The following G6PC2 variants were observed in gnomAD, a reference collection of about 807,000 sequenced individuals.
G6PC2 encodes glucose-6-phosphatase catalytic subunit 2.
A neutral mutation model predicts 35.4 loss-of-function variants in G6PC2; 41 were observed. That is an observed-to-expected ratio of 1.16 (90% CI 0.90 to 1.50). G6PC2 has a LOEUF of 1.50. Among genes scored for constraint, G6PC2 ranks in the 40% most tolerant of loss-of-function variants. G6PC2 has a pLI of 0.00. For missense variants in G6PC2, 441 were observed against 426.5 expected (o/e 1.03, Z -0.30); for synonymous variants, 165 against 153.2 (o/e 1.08, Z -0.57).
chr2:168,906,075 CAA>C (rs11320926), intron 3 of G6PC2, among the ~76,000 whole-genome samples: 31 of 121,538 alleles, frequency 2.6e-4, no homozygotes, highest in African/African-American at 4.8e-4. Flanking sequence ...TTCTGTGTCT[CAA>C]AAAAAAAAAA....
intron 2 of G6PC2, among the ~76,000 whole-genome samples, chr2:168,903,958 T>C (rs961679077): frequency 2.6e-5 from 4 of 152,124 alleles, no homozygotes; most frequent in South Asian, 2.1e-4. Context: ...TAGAAGTAGC[T>C]GCTAGTACAC....
rs1559165611 is a variant in G6PC2 at position 168,907,630 on chromosome 2, T to C, written c.619T>C (p.Tyr207His). 6.2e-7 allele frequency: 1 copy of C among 1,613,916 alleles called. No individual in the cohort carries two copies. The highest frequency in any genetic ancestry group is 1.7e-5 in the Admixed American group (1 of 60,030). Residue 207 changes from tyrosine (Y) to histidine (H), a missense_variant, in exon 5 of 5, where the codon TAC becomes CAC. Physicochemically the swap from Tyr to His is moderately conservative, Grantham distance 83. Transcript: ENST00000375363. ...CATCCAAACGGCCAGTCTGGGCACATACCTGAAGACCAACCTCTTTCTCTT... is the reference window on the plus strand; with the variant it reads ...CATCCAAACGGCCAGTCTGGGCACACACCTGAAGACCAACCTCTTTCTCTT... Reference protein sequence around the residue: ...PGIQTASLGTYLKTNLFLFLF... With the variant: ...PGIQTASLGTHLKTNLFLFLF...
At position 168,909,207 on chromosome 2, in the gene G6PC2, A is replaced by G. The variant is rs1053029545; in HGVS notation, c.*1128A>G. 1.3e-5 allele frequency: 2 copies of G among 152,250 alleles called. No individual in the cohort carries two copies. The highest frequency in any genetic ancestry group is 2.9e-5 in the Non-Finnish European group (2 of 68,082). The allele number at this position is 152,250 out of a possible 1,614,324, so 9.4% of individuals were successfully genotyped here. On this transcript the variant is annotated 3_prime_UTR_variant, in exon 5 of 5. Coordinates refer to ENST00000375363, the MANE Select transcript of G6PC2 (RefSeq NM_021176.3). Reference sequence around the variant, plus strand: ...TGGGACCAACAGTGGCTCCAGATGTATATACACACGGGTCCAGGGACAACA... The same window carrying G: ...TGGGACCAACAGTGGCTCCAGATGTGTATACACACGGGTCCAGGGACAACA...
chr2:168,906,622 G>A (rs201602027), intron 3 of G6PC2, 42 bp from the exon 4 acceptor site: 478 of 961,616 alleles, frequency 5.0e-4, no homozygotes, highest in Non-Finnish European at 4.0e-4. Flanking sequence ...GAGTGATCCA[G>A]TTTCTTTGCT....
intron 2 of G6PC2, among the ~76,000 whole-genome samples, chr2:168,903,727 C>T (rs907803390): frequency 6.6e-5 from 10 of 152,110 alleles, no homozygotes; most frequent in Non-Finnish European, 1.3e-4. Flanking sequence ...ATAGGTCTGT[C>T]TTTGTTTAAC....
chr2:168,907,151 G>A (rs1690731209), intron 4 of G6PC2, among the ~76,000 whole-genome samples: 1 of 152,184 alleles, frequency 6.6e-6, no homozygotes, highest in Non-Finnish European at 1.5e-5. Context: ...CATGTGAAGT[G>A]ACTATTACAT....
chr2:168,907,689 G>C lies in G6PC2; in HGVS notation c.678G>C (p.Arg226Ser), dbSNP rs1371546169. 6.2e-7 allele frequency: 1 copy of C among 1,613,880 alleles called. No individual in the cohort carries two copies. Among genetic ancestry groups the C allele is most frequent in the East Asian group, 2.2e-5 (1 of 44,874 alleles). ...CAGTTGGCTTTTACCTGCTTCTTAG[G>C]GTGCTCAACATTGACCTGCTGTGGT... ...LFAVGFYLLL[R>S]VLNIDLLWSV... The change falls in exon 5 of 5, where the codon AGG becomes AGC. Residue 226 changes from arginine to serine, a missense_variant. Arg to Ser is a moderately radical substitution (Grantham distance 110, BLOSUM62 -1). Transcript: ENST00000375363.
Position 168,907,898 on chromosome 2 carries a change from G to A in G6PC2, c.887G>A (p.Cys296Tyr). ...NNYTLSFRLL[C>Y]ALTSLTILQL... ...TACACACTGAGCTTCCGGTTGCTCTGTGCCTTGACCTCATTGACAATACTG... is the reference window on the plus strand; with the variant it reads ...TACACACTGAGCTTCCGGTTGCTCTATGCCTTGACCTCATTGACAATACTG... Residue 296 changes from cysteine (C) to tyrosine (Y), a missense_variant, in exon 5 of 5, where the codon TGT (cysteine) becomes TAT (tyrosine). Transcript: ENST00000375363. 1 of 1,614,046 alleles carries A rather than the reference G, an allele frequency of 6.2e-7. No individual in the cohort carries two copies.
At chr2:168,904,161 C>G (rs1384152042) in intron 2 of G6PC2, among the ~76,000 whole-genome samples, 1 of 151,960 alleles carries the variant, frequency 6.6e-6, no homozygotes, top group Non-Finnish European at 1.5e-5. Flanking sequence ...TAACCTAATA[C>G]TTTTGCTTGT....
intron 1 of G6PC2, among the ~76,000 whole-genome samples, chr2:168,901,899 G>A (rs1246957473): frequency 1.3e-5 from 2 of 151,948 alleles, no homozygotes; most frequent in African/African-American, 2.4e-5. Flanking sequence ...ACCACACCCA[G>A]CTAATTTTGT....
chr2:168,903,269 C>A lies in G6PC2; in HGVS notation c.328+715C>A, dbSNP rs190744278. On this transcript the variant is annotated intron_variant, in intron 2 of 4. Coordinates refer to ENST00000375363, the MANE Select transcript of G6PC2 (RefSeq NM_021176.3). ...ATCATTTTACATAGCATAACATTCT[C>A]GCCAGTTGACATCCTTCGAAACTAA... Among the ~76,000 whole-genome samples the A allele has an allele frequency of 9.9e-5, 15 of 152,202 alleles. No homozygotes were observed. The East Asian group carries it at 2.7e-3, about 27-fold the overall frequency.
At chr2:168,904,788 A>G (rs951131592) in intron 3 of G6PC2, among the ~76,000 whole-genome samples, 172 bp downstream of exon 3, 2 of 152,254 alleles carry the variant, frequency 1.3e-5, no homozygotes, top group East Asian at 1.9e-4. Flanking sequence ...TTGCTTTAAG[A>G]TAATAGCCTA....
At chr2:168,901,926 G>A (rs1317285138) in intron 1 of G6PC2, among the ~76,000 whole-genome samples, 2 of 151,760 alleles carry the variant, frequency 1.3e-5, no homozygotes, top group Admixed American at 6.6e-5. Context: ...AGTAGAGACA[G>A]GGTTTCTCTA....
rs371294159 is a variant in G6PC2 at position 168,901,486 on chromosome 2, C to T, written c.155C>T (p.Thr52Ile). ...CCACTTTGTTTTCAATTTAATCAGA[C>T]AGTTGGAACCAAGATGATATGGGTA... Reference protein sequence around the residue: ...YFPLCFQFNQTVGTKMIWVAV... With the variant: ...YFPLCFQFNQIVGTKMIWVAV... The change falls in exon 1 of 5, where the codon ACA becomes ATA. Residue 52 changes from threonine to isoleucine, a missense_variant. Thr to Ile is a moderately conservative substitution (Grantham distance 89, BLOSUM62 -1). Transcript: ENST00000375363. 8.6e-5 allele frequency: 138 copies of T among 1,598,050 alleles called. 1 individual carries two copies. The highest frequency in any genetic ancestry group is 3.3e-5 in the Admixed American group (2 of 59,990).
chr2:168,907,228 A>G (rs1299339855), intron 4 of G6PC2, among the ~76,000 whole-genome samples: 1 of 152,158 alleles, frequency 6.6e-6, no homozygotes, highest in African/African-American at 2.4e-5. Flanking sequence ...CTCAGTTTCC[A>G]TTGTTCAGCA....
At chr2:168,905,778 AC>A (rs1690695583) in intron 3 of G6PC2, among the ~76,000 whole-genome samples, 1 of 152,066 alleles carries the variant, frequency 6.6e-6, no homozygotes, top group African/African-American at 2.4e-5. Flanking sequence ...TGTGCTTCTT[AC>A]CTTTACATTA....
At position 168,908,016 on chromosome 2, in the gene G6PC2, G is replaced by T; in HGVS notation, c.1005G>T (p.Val335=). 2 of 1,613,206 alleles carry T rather than the reference G, an allele frequency of 1.2e-6. No homozygotes were observed. Among genetic ancestry groups the T allele is most frequent in the Non-Finnish European group, 1.7e-6 (2 of 1,179,290 alleles). Residue 335 remains valine, a synonymous_variant, in exon 5 of 5, where the codon GTG becomes GTT. Transcript: ENST00000375363. ...FCKSASIPLT[V]VAFIPYSVHM... is the part of the protein sequence containing the mutation. ...AAAGTGCATCCATTCCCCTAACTGTGGTTGCTTTCATTCCCTACTCTGTTC... is the reference window on the plus strand; with the variant it reads ...AAAGTGCATCCATTCCCCTAACTGTTGTTGCTTTCATTCCCTACTCTGTTC...
In G6PC2 at chr2:168,908,403, T is replaced by G. The variant is rs553336703; in HGVS notation, c.*324T>G. The stretch of plus-strand genomic sequence containing the variant: ...AGAGCTGCATACTAACAGTCCCCAG[T>G]AGGAGGCAAGGACTCCATTTTCTCA... On this transcript the variant is annotated 3_prime_UTR_variant, in exon 5 of 5. Transcript: ENST00000375363. The G allele has an allele frequency of 1.5e-5, 6 of 398,964 alleles. No individual in the cohort carries two copies. The highest frequency in any genetic ancestry group is 2.8e-5 in the Non-Finnish European group (6 of 218,080). The allele number at this position is 398,964 out of a possible 1,614,324, so 24.7% of individuals were successfully genotyped here.
chr2:168,901,955 C>CT (rs1164939378), intron 1 of G6PC2, among the ~76,000 whole-genome samples: 5 of 152,056 alleles, frequency 3.3e-5, no homozygotes, highest in African/African-American at 1.2e-4. Context: ...AGGCTGGTCT[C>CT]TAACTCCCGA....
Sources: allele counts gnomAD v4.1 joint callset (sites outside exome capture counted in the v4.1 genomes callset), GRCh38; gene constraint gnomAD v4.1.1; transcripts MANE v1.5; gene names NCBI Gene and HGNC (gene_info 2026-07-23, HGNC 2026-07-21).